Variants in IL19 observed in about 807,000 individuals in gnomAD.
The protein encoded by IL19 is interleukin-19.
A neutral mutation model predicts 19.5 loss-of-function variants in IL19; 15 were observed. The observed-to-expected ratio is 0.77, with a 90% CI of 0.52 to 1.19. The LOEUF (loss-of-function observed/expected upper bound fraction) is 1.19, where lower values mean the gene tolerates loss of function less well. Among genes scored for constraint, IL19 ranks in the 50% most tolerant of loss-of-function variants. IL19 has a pLI of 0.00. For missense variants in IL19, 199 were observed against 213.1 expected (o/e 0.93, Z 0.41); for synonymous variants, 78 against 78.3 (o/e 1.00, Z 0.02).
At chr1:206,830,672 G>A (rs558543271) in intron 2 of IL19, among the ~76,000 whole-genome samples, 5 of 152,010 alleles carry the variant, frequency 3.3e-5, no homozygotes, top group South Asian at 2.1e-4. Context: ...TCTGCCTCCC[G>A]GGTTCATGCC....
chr1:206,839,354 A>G (rs1172184812), intron 4 of IL19, among the ~76,000 whole-genome samples: 1 of 152,212 alleles, frequency 6.6e-6, no homozygotes, highest in Admixed American at 6.5e-5. Flanking sequence ...CAATGTGATT[A>G]CAGTTGGAGG....
At chr1:206,840,458 A>G in intron 5 of IL19, 1 of 268,628 alleles carries the variant, frequency 3.7e-6, no homozygotes, top group Non-Finnish European at 7.3e-6. Context: ...AACCAACAAA[A>G]ACTTAGACCA....
At chr1:206,827,562 C>A (rs902669799) in intron 2 of IL19, among the ~76,000 whole-genome samples, 1 of 151,892 alleles carries the variant, frequency 6.6e-6, no homozygotes, top group Non-Finnish European at 1.5e-5. Context: ...AGGTGGTGGG[C>A]GCCTGTAGTC....
chr1:206,837,436 G>C (rs113634277), intron 4 of IL19, among the ~76,000 whole-genome samples: 2 of 152,282 alleles, frequency 1.3e-5, no homozygotes, highest in East Asian at 3.9e-4. Context: ...GTCGGACATA[G>C]AGGTGACCAG....
chr1:206,820,135 T>C (rs1003498095), intron 2 of IL19, among the ~76,000 whole-genome samples: 1 of 152,200 alleles, frequency 6.6e-6, no homozygotes, highest in Admixed American at 6.5e-5. Flanking sequence ...ATCCTGTCAT[T>C]CCATATGCTC....
chr1:206,810,816 T>G (rs1675986122), intron 2 of IL19, among the ~76,000 whole-genome samples: 1 of 152,222 alleles, frequency 6.6e-6, no homozygotes, highest in Non-Finnish European at 1.5e-5. Context: ...GACAGATCCT[T>G]CATGAATGGC....
chr1:206,794,264 A>C (rs976989189), intron 1 of IL19, among the ~76,000 whole-genome samples: 3 of 152,178 alleles, frequency 2.0e-5, no homozygotes, highest in Non-Finnish European at 4.4e-5. Flanking sequence ...TATTGGGAGG[A>C]TAAAATGAAA....
intron 1 of IL19, among the ~76,000 whole-genome samples, chr1:206,775,104 G>T (rs1674958329): frequency 6.6e-6 from 1 of 151,498 alleles, no homozygotes; most frequent in Admixed American, 6.6e-5. Context: ...GCAGTGGCAT[G>T]ATCTCAGCTC....
intron 2 of IL19, among the ~76,000 whole-genome samples, chr1:206,835,134 A>T (rs967361274): frequency 3.3e-5 from 5 of 152,306 alleles, no homozygotes; most frequent in South Asian, 2.1e-4. Context: ...CCTCCACAAA[A>T]TGCGCAAGTC....
In IL19 at chr1:206,775,137, T is replaced by A. The variant is rs141681379; in HGVS notation, c.-149+4059T>A. Among the ~76,000 whole-genome samples, 974 of 151,816 alleles carry A rather than the reference T, an allele frequency of 6.4e-3. 8 individuals are homozygous for A. Among genetic ancestry groups the A allele is most frequent in the African/African-American group, 0.022 (918 of 41,374 alleles). Reference sequence around the variant, plus strand: ...CTCACTGCAAGCTCTGCCTCCCGAGTTCAAGCCATTCTCCTGCCTCAGCGT... The same window carrying A: ...CTCACTGCAAGCTCTGCCTCCCGAGATCAAGCCATTCTCCTGCCTCAGCGT... On this transcript the variant is annotated intron_variant, in intron 1 of 6. Transcript: ENST00000659997.
chr1:206,820,332 CA>C (rs1405030249), intron 2 of IL19, among the ~76,000 whole-genome samples: 1 of 152,214 alleles, frequency 6.6e-6, no homozygotes, highest in East Asian at 1.9e-4. Context: ...AAGATACCAG[CA>C]TACCAACCCA....
intron 1 of IL19, among the ~76,000 whole-genome samples, chr1:206,791,301 GTTTTTT>G (rs11297961): frequency 3.0e-5 from 4 of 131,742 alleles, no homozygotes; most frequent in African/African-American, 1.1e-4. Flanking sequence ...AGGTCCTTAG[GTTTTTT>G]TTTTTTTTTT....
At chr1:206,825,999 A>G (rs1255855564) in intron 2 of IL19, among the ~76,000 whole-genome samples, 1 of 152,202 alleles carries the variant, frequency 6.6e-6, no homozygotes, top group Non-Finnish European at 1.5e-5. Context: ...TCTGGCCACT[A>G]ACTGTTATAC....
chr1:206,801,680 T>A (rs962068953), intron 2 of IL19, among the ~76,000 whole-genome samples: 3 of 152,216 alleles, frequency 2.0e-5, no homozygotes, highest in African/African-American at 7.2e-5. Flanking sequence ...CACTTTTGAG[T>A]CACTTCTATT....
Position 206,787,566 on chromosome 1 carries a change from G to A in IL19, c.-148-11295G>A, listed in dbSNP as rs117031161. Among the ~76,000 whole-genome samples the A allele has an allele frequency of 1.2e-3, 182 of 152,262 alleles. 4 individuals carry two copies. In the East Asian group the frequency reaches 0.029, roughly 24 times the overall value. On this transcript the variant is annotated intron_variant, in intron 1 of 6. Coordinates refer to ENST00000659997, the MANE Select transcript of IL19 (RefSeq NM_153758.5). Reference sequence around the variant, plus strand: ...ACCTAGGTCCGGGAAAAGGAGGCCTGGGTTTCGGTCTTTCTTCTGTGTGAC... The same window carrying A: ...ACCTAGGTCCGGGAAAAGGAGGCCTAGGTTTCGGTCTTTCTTCTGTGTGAC...
intron 1 of IL19, among the ~76,000 whole-genome samples, chr1:206,778,908 C>T (rs1424599726): frequency 6.6e-6 from 1 of 152,208 alleles, no homozygotes; most frequent in Non-Finnish European, 1.5e-5. Flanking sequence ...TCTCCATTTC[C>T]ATCATCACCA....
At chr1:206,781,895 TTATATATACA>T (rs1675144636) in intron 1 of IL19, among the ~76,000 whole-genome samples, 3 of 129,914 alleles carry the variant, frequency 2.3e-5, no homozygotes, top group Non-Finnish European at 4.8e-5. Flanking sequence ...ATGTATATAG[TTATATATACA>T]TATATATGTA....
intron 1 of IL19, 114 bp downstream of exon 1, chr1:206,771,192 G>A (rs757756856): frequency 1.1e-5 from 13 of 1,200,788 alleles, no homozygotes; most frequent in Non-Finnish European, 1.5e-5. Flanking sequence ...AAGGGACTGA[G>A]CCCTTTGTAA....
chr1:206,840,422 C>G, intron 5 of IL19: 1 of 288,516 alleles, frequency 3.5e-6, no homozygotes, highest in South Asian at 3.7e-5. Flanking sequence ...CTATTTAAAT[C>G]CAACATCAGA....
Sources: gnomAD v4.1 joint callset for allele counts (sites outside exome capture counted in the v4.1 genomes callset) on GRCh38, gnomAD v4.1.1 for gene constraint, MANE v1.5 for transcripts, NCBI Gene and HGNC (gene_info 2026-07-23, HGNC 2026-07-21) for gene names.